Variants in TECRL observed in about 807,000 individuals in gnomAD.
TECRL encodes trans-2,3-enoyl-CoA reductase-like.
In TECRL, 63 loss-of-function variants were observed where a neutral mutation model predicts 52.8. The observed-to-expected ratio is 1.19, with a 90% CI of 0.97 to 1.47. The LOEUF (loss-of-function observed/expected upper bound fraction) is 1.47. Ranked by LOEUF, TECRL falls within the 40% of genes most tolerant of loss-of-function variation. The pLI, the probability that TECRL is intolerant of heterozygous loss-of-function variation, is 0.00. For synonymous variants in TECRL, 164 were observed against 141.9 expected, an observed-to-expected ratio of 1.16 and a Z score of -1.10; for missense variants, 482 against 429.6, an observed-to-expected ratio of 1.12 and a Z score of -1.08.
chr4:64,314,031 TCCCAGCTACTCGGGAGG>T (rs1471170592), intron 5 of TECRL, among the ~76,000 whole-genome samples: 1 of 146,488 alleles, frequency 6.8e-6, no homozygotes, highest in African/African-American at 2.5e-5. Flanking sequence ...GCACCTGTAG[TCCCAGCTACTCGGGAGG>T]CTGAGGCAGG....
chr4:64,324,767 CATACATATAT>C (rs1444340681), intron 3 of TECRL, among the ~76,000 whole-genome samples: 4 of 151,948 alleles, frequency 2.6e-5, no homozygotes, highest in African/African-American at 9.7e-5. Context: ...TTGTAAAATA[CATACATATAT>C]ATACATATAT....
chr4:64,378,436 G>C (rs112816893), intron 1 of TECRL, among the ~76,000 whole-genome samples: 30 of 152,108 alleles, frequency 2.0e-4, no homozygotes, highest in African/African-American at 6.5e-4. Context: ...GCATGGAGGG[G>C]TGTGTCTGTA....
intron 9 of TECRL, among the ~76,000 whole-genome samples, chr4:64,288,133 G>A (rs1221812215): frequency 2.7e-5 from 4 of 150,556 alleles, no homozygotes; most frequent in South Asian, 4.2e-4. Context: ...TGGGCTACAA[G>A]AGCGAGACTC....
intron 9 of TECRL, among the ~76,000 whole-genome samples, chr4:64,287,572 T>A (rs1723143062): frequency 1.3e-5 from 2 of 152,156 alleles, no homozygotes; most frequent in African/African-American, 4.8e-5. Flanking sequence ...GATGACTGAT[T>A]TACCAAAAAT....
intron 7 of TECRL, among the ~76,000 whole-genome samples, chr4:64,303,632 T>C (rs2109982985): frequency 6.6e-6 from 1 of 151,930 alleles, no homozygotes; most frequent in Admixed American, 6.6e-5. Flanking sequence ...TCATGAGGAT[T>C]CAATGAGATA....
intron 2 of TECRL, among the ~76,000 whole-genome samples, chr4:64,368,702 T>A (rs964633949): frequency 6.6e-6 from 1 of 152,132 alleles, no homozygotes. Flanking sequence ...ACTTTTTTCA[T>A]TGGGTGCATT....
intron 2 of TECRL, among the ~76,000 whole-genome samples, chr4:64,342,037 C>T (rs1031323631): frequency 1.3e-5 from 2 of 152,088 alleles, no homozygotes; most frequent in Non-Finnish European, 2.9e-5. Flanking sequence ...GCCGAGTGGG[C>T]AGAATGAGCC....
intron 4 of TECRL, among the ~76,000 whole-genome samples, chr4:64,316,914 G>T (rs1030530391): frequency 6.6e-6 from 1 of 152,122 alleles, no homozygotes; most frequent in African/African-American, 2.4e-5. Context: ...GTTTGTACTA[G>T]GCAAGCAAGG....
rs562465731 is a variant in TECRL at position 64,327,527 on chromosome 4, G to A, written c.331+985C>T. Among the ~76,000 whole-genome samples the A allele has an allele frequency of 5.3e-5, 8 of 152,186 alleles. No homozygotes were observed. The East Asian group carries it at 1.5e-3, about 29-fold the overall frequency. On this transcript the variant is annotated intron_variant, in intron 3 of 11. Coordinates refer to ENST00000381210, the MANE Select transcript of TECRL (RefSeq NM_001010874.5). ...TGTGCTAGGCCCTATGAAGGCAAAA[G>A]TAGATGAGACAATAATTTGTCTTTC...
At chr4:64,374,906 T>C (rs1028731298) in intron 2 of TECRL, among the ~76,000 whole-genome samples, 1 of 152,118 alleles carries the variant, frequency 6.6e-6, no homozygotes, top group Non-Finnish European at 1.5e-5. Context: ...TATAGAAAGT[T>C]TCCTGTTATA....
intron 7 of TECRL, among the ~76,000 whole-genome samples, chr4:64,301,983 A>T (rs1009679159): frequency 6.6e-6 from 1 of 151,268 alleles, no homozygotes; most frequent in Non-Finnish European, 1.5e-5. Context: ...ATAATGTTTC[A>T]CATTTAGATA....
At chr4:64,290,543 A>C (rs1473898994) in intron 8 of TECRL, among the ~76,000 whole-genome samples, 1 of 152,146 alleles carries the variant, frequency 6.6e-6, no homozygotes, top group Non-Finnish European at 1.5e-5. Context: ...TATATCCCAA[A>C]AGTTGAGCAC....
rs547006176 is a variant in TECRL, at chr4:64,324,156, A to T, written c.332-1364T>A. ...AGGTAAAATAAACATAATTGACTCC[A>T]TTCTTAAAAATAACCATCAGACAAG... On this transcript the variant is annotated intron_variant, in intron 3 of 11. Coordinates refer to ENST00000381210, the MANE Select transcript of TECRL (RefSeq NM_001010874.5). Among the ~76,000 whole-genome samples the T allele has an allele frequency of 5.3e-4, 81 of 152,184 alleles. 1 individual carries two copies. Among genetic ancestry groups the T allele is most frequent in the Non-Finnish European group, 1.0e-3 (71 of 68,018 alleles).
chr4:64,276,995 C>G (rs1447130686), downstream of TECRL: 9 of 1,455,516 alleles, frequency 6.2e-6, no homozygotes, highest in South Asian at 1.3e-5. Context: ...ATATTGACAA[C>G]AAGATGGTGT....
chr4:64,404,809 ATAATT>A (rs1189759565), intron 1 of TECRL, among the ~76,000 whole-genome samples: 1 of 152,094 alleles, frequency 6.6e-6, no homozygotes, highest in South Asian at 2.1e-4. Flanking sequence ...TATTCTAACA[ATAATT>A]TGATTTGATG....
rs767875860 is a variant in TECRL at position 64,314,707 on chromosome 4, C to A, written c.492G>T (p.Arg164Ser). The change falls in exon 5 of 12, where the codon AGG becomes AGT. Residue 164 changes from arginine (R) to serine (S), a missense_variant. Physicochemically the swap from Arg to Ser is moderately radical, Grantham distance 110 (BLOSUM62 -1). Coordinates refer to ENST00000381210, the MANE Select transcript of TECRL (RefSeq NM_001010874.5). ...PLLIYLLFYL[R>S]IPCIYDGKES... ...CTTTTCCATCATATATACATGGGAT[C>A]CTCAAATAAAAGAGGAGGTATATTA... 1 of 1,611,020 alleles carries A rather than the reference C, an allele frequency of 6.2e-7. No homozygotes were observed. The highest frequency in any genetic ancestry group is 8.5e-7 in the Non-Finnish European group (1 of 1,178,564).
intron 1 of TECRL, among the ~76,000 whole-genome samples, chr4:64,392,389 G>A (rs1015054177): frequency 9.9e-5 from 15 of 151,756 alleles, no homozygotes; most frequent in East Asian, 5.8e-4. Context: ...TTACATTTTC[G>A]AGATACACAC....
At chr4:64,316,738 A>G (rs994837437) in intron 4 of TECRL, among the ~76,000 whole-genome samples, 1 of 151,998 alleles carries the variant, frequency 6.6e-6, no homozygotes. Flanking sequence ...ACAGAATTAT[A>G]CTGAAGACTA....
chr4:64,374,724 CT>C (rs1356468331), intron 2 of TECRL, among the ~76,000 whole-genome samples: 3 of 152,012 alleles, frequency 2.0e-5, no homozygotes, highest in Non-Finnish European at 4.4e-5. Context: ...ATCCATGTCC[CT>C]ACAAAGGACA....
Sources: allele counts gnomAD v4.1 joint callset (sites outside exome capture counted in the v4.1 genomes callset), GRCh38; gene constraint gnomAD v4.1.1; transcripts MANE v1.5; gene names NCBI Gene and HGNC (gene_info 2026-07-23, HGNC 2026-07-21).